The following DLC1 variants were observed in gnomAD, a reference collection of about 807,000 sequenced individuals.
DLC1 encodes the protein DLC1 Rho GTPase activating protein.
DLC1 carries 54 observed loss-of-function variants against 140.3 expected under a neutral mutation model. That is an observed-to-expected ratio of 0.38 (90% CI 0.31 to 0.48). DLC1 has a LOEUF of 0.48. DLC1 is among the 20% of genes least tolerant of loss of function. DLC1 has a pLI of 0.96. For synonymous variants in DLC1, 986 were observed against 728.1 expected, an observed-to-expected ratio of 1.35 and a Z score of -5.70; for missense variants, 2,536 against 1,907.0, an observed-to-expected ratio of 1.33 and a Z score of -6.14.
chr8:13,125,603 C>G (rs755826369), intron 5 of DLC1, among the ~76,000 whole-genome samples: 5 of 152,140 alleles, frequency 3.3e-5, no homozygotes, highest in Non-Finnish European at 7.3e-5. Context: ...GGGGCTAAAG[C>G]TACCCAGCTC....
intron 5 of DLC1, among the ~76,000 whole-genome samples, chr8:13,163,567 A>C (rs1824878932): frequency 6.6e-6 from 1 of 152,120 alleles, no homozygotes; most frequent in Non-Finnish European, 1.5e-5. Flanking sequence ...GAAGAGAACG[A>C]GTAGTGATAC....
At chr8:13,512,117 C>G (rs186111054) in intron 1 of DLC1, among the ~76,000 whole-genome samples, 2 of 152,152 alleles carry the variant, frequency 1.3e-5, no homozygotes, top group East Asian at 1.9e-4. Context: ...AGGGCCACCA[C>G]TTTACTGCAC....
At chr8:13,465,200 C>A (rs1799875809) in intron 2 of DLC1, among the ~76,000 whole-genome samples, 1 of 152,160 alleles carries the variant, frequency 6.6e-6, no homozygotes, top group Non-Finnish European at 1.5e-5. Context: ...AGCAGTAATG[C>A]AATTAATATT....
intron 5 of DLC1, among the ~76,000 whole-genome samples, chr8:13,251,121 T>C (rs1829986174): frequency 6.6e-6 from 1 of 152,198 alleles, no homozygotes. Flanking sequence ...TGGCCTTTCC[T>C]TTCTATGTGC....
chr8:13,332,421 G>T (rs184061054), intron 4 of DLC1, among the ~76,000 whole-genome samples: 134 of 125,176 alleles, frequency 1.1e-3, no homozygotes, highest in African/African-American at 3.7e-3. Flanking sequence ...ACTATTGACT[G>T]ATTTTCTTTT....
rs569244979 is a variant in DLC1, at chr8:13,471,662, C to G, written c.1023+27387G>C. On this transcript the variant is annotated intron_variant, in intron 2 of 17. Transcript: ENST00000276297. ...CGAGTTTACCTATGTAACAAACCCA[C>G]GCTTGTACCCCTGAACTTAAAATAA... Among the ~76,000 whole-genome samples the G allele has an allele frequency of 7.2e-5, 11 of 151,790 alleles. No individual in the cohort carries two copies. In the South Asian group the frequency reaches 2.3e-3, roughly 32 times the overall value.
chr8:13,412,666 G>T (rs1248740198), intron 2 of DLC1, among the ~76,000 whole-genome samples: 1 of 152,066 alleles, frequency 6.6e-6, no homozygotes, highest in Non-Finnish European at 1.5e-5. Context: ...TTGTGCGGTG[G>T]CTCACACCTG....
chr8:13,327,057 C>T (rs922543085), intron 4 of DLC1, among the ~76,000 whole-genome samples: 2 of 151,928 alleles, frequency 1.3e-5, no homozygotes, highest in Non-Finnish European at 2.9e-5. Flanking sequence ...CAGGTTCATG[C>T]CACTCTCCCG....
chr8:13,575,019 A>G (rs983123253), intron 1 of DLC1, among the ~76,000 whole-genome samples: 1 of 152,224 alleles, frequency 6.6e-6, no homozygotes, highest in Non-Finnish European at 1.5e-5. Context: ...TAAATACACA[A>G]ATAGTCAATT....
chr8:13,500,029 T>A lies in DLC1; in HGVS notation c.43A>T (p.Thr15Ser), dbSNP rs1428957619. 6.2e-7 allele frequency: 1 copy of A among 1,614,022 alleles called. No individual in the cohort carries two copies. The highest frequency in any genetic ancestry group is 2.2e-5 in the East Asian group (1 of 44,876). ...TTAAAAGGCTGTCCCATCCAGTGGG[T>A]CACATGTTCTTCCCAGCTTCTCTTT... Reference protein sequence around the residue: ...IRKRSWEEHVTHWMGQPFNSD... With the variant: ...IRKRSWEEHVSHWMGQPFNSD... Residue 15 changes from threonine (T) to serine (S), a missense_variant, in exon 2 of 18, where the codon ACC (threonine) becomes TCC (serine). Transcript: ENST00000276297.
chr8:13,475,163 T>A lies in DLC1; in HGVS notation c.1023+23886A>T, dbSNP rs552563010. On this transcript the variant is annotated intron_variant, in intron 2 of 17. Coordinates refer to ENST00000276297, the MANE Select transcript of DLC1 (RefSeq NM_182643.3). ...AAAGAGATCAGATCATAATTTCAGT[T>A]TAAAAAGAAAATAAGTTTCTAAATA... 2.6e-5 allele frequency among the ~76,000 whole-genome samples: 4 copies of A among 152,286 alleles called. No homozygotes were observed. The South Asian group carries it at 8.3e-4, about 32-fold the overall frequency.
intron 5 of DLC1, among the ~76,000 whole-genome samples, chr8:13,203,290 G>C (rs984294667): frequency 1.3e-4 from 20 of 152,222 alleles, no homozygotes; most frequent in Admixed American, 1.0e-3. Flanking sequence ...TTTAACAAAC[G>C]TTTATTTGAA....
chr8:13,237,154 T>C (rs1274184529), intron 5 of DLC1, among the ~76,000 whole-genome samples: 1 of 150,736 alleles, frequency 6.6e-6, no homozygotes, highest in African/African-American at 2.4e-5. Flanking sequence ...GGAAAAAAAA[T>C]ATACACAATG....
intron 1 of DLC1, among the ~76,000 whole-genome samples, chr8:13,508,215 C>A (rs551272772): frequency 1.3e-5 from 2 of 152,306 alleles, no homozygotes; most frequent in East Asian, 3.9e-4. Context: ...GACTTACCAC[C>A]CACTTTATGG....
intron 1 of DLC1, among the ~76,000 whole-genome samples, chr8:13,500,622 C>T (rs780837795): frequency 3.3e-5 from 5 of 152,128 alleles, no homozygotes; most frequent in South Asian, 2.1e-4. Context: ...TGAATCACAG[C>T]GAAAGCCACC....
At chr8:13,443,654 T>TC (rs1297081711) in intron 2 of DLC1, among the ~76,000 whole-genome samples, 1 of 112,020 alleles carries the variant, frequency 8.9e-6, no homozygotes, top group Non-Finnish European at 1.7e-5. Context: ...CGAGACTCCG[T>TC]CTCAAAAAAA....
chr8:13,482,236 A>G (rs529807588), intron 2 of DLC1, among the ~76,000 whole-genome samples: 1 of 152,346 alleles, frequency 6.6e-6, no homozygotes, highest in African/African-American at 2.4e-5. Flanking sequence ...AAGTAATATC[A>G]TTAATTAATA....
chr8:13,090,873 G>T (rs1050366246), intron 14 of DLC1, among the ~76,000 whole-genome samples: 4 of 146,738 alleles, frequency 2.7e-5, no homozygotes, highest in African/African-American at 1.0e-4. Context: ...GCAAAATATT[G>T]GTTCATTGCA....
chr8:13,463,780 C>G (rs962115631), intron 2 of DLC1, among the ~76,000 whole-genome samples: 3 of 152,122 alleles, frequency 2.0e-5, no homozygotes, highest in African/African-American at 7.2e-5. Context: ...TCTTTAAAGA[C>G]TGGGATTATC....
Sources: gnomAD v4.1 joint callset for allele counts (sites outside exome capture counted in the v4.1 genomes callset) on GRCh38, gnomAD v4.1.1 for gene constraint, MANE v1.5 for transcripts, NCBI Gene and HGNC (gene_info 2026-07-23, HGNC 2026-07-21) for gene names.